Variants in THSD7B observed in about 807,000 individuals in gnomAD.
The protein encoded by THSD7B is thrombospondin type 1 domain containing 7B.
Under a neutral mutation model 213.6 loss-of-function variants are expected in THSD7B, and 138 were observed. The ratio of observed to expected loss-of-function variants is 0.65; its 90% CI spans 0.56 to 0.74. The LOEUF (loss-of-function observed/expected upper bound fraction) is 0.74. Ranked by LOEUF, THSD7B falls within the 30% of genes least tolerant of loss-of-function variation. The pLI, the probability that THSD7B is intolerant of heterozygous loss-of-function variation, is 0.00. For missense variants in THSD7B, 1,931 were observed against 1,991.5 expected, an observed-to-expected ratio of 0.97 and a Z score of 0.58; for synonymous variants, 742 against 687.0, an observed-to-expected ratio of 1.08 and a Z score of -1.25.
At chr2:137,615,917 T>A (rs1364777321) in intron 17 of THSD7B, among the ~76,000 whole-genome samples, 2 of 152,112 alleles carry the variant, frequency 1.3e-5, no homozygotes, top group Non-Finnish European at 2.9e-5. Flanking sequence ...ATAGAAATAG[T>A]CTCCGTGTGC....
chr2:136,952,210 C>G (rs1253454899), intron 2 of THSD7B, among the ~76,000 whole-genome samples: 2 of 151,724 alleles, frequency 1.3e-5, no homozygotes, highest in African/African-American at 4.8e-5. Context: ...GAAGCCAACC[C>G]CCACCCCCCC....
chr2:136,872,892 G>C (rs1386172127), intron 1 of THSD7B, among the ~76,000 whole-genome samples: 1 of 148,994 alleles, frequency 6.7e-6, no homozygotes, highest in Non-Finnish European at 1.5e-5. Context: ...TTATAAAGTA[G>C]GGGGAATTTT....
chr2:136,924,770 G>A (rs571557092), intron 2 of THSD7B, among the ~76,000 whole-genome samples: 55 of 152,232 alleles, frequency 3.6e-4, no homozygotes, highest in African/African-American at 1.2e-3. Context: ...TTGGGAAAGC[G>A]TGATCATTTT....
intron 17 of THSD7B, among the ~76,000 whole-genome samples, chr2:137,593,045 A>C (rs1209455292): frequency 6.6e-6 from 1 of 151,980 alleles, no homozygotes; most frequent in African/African-American, 2.4e-5. Flanking sequence ...AGCTAGTTTC[A>C]TTTGCTCAAC....
chr2:137,656,285 T>A (rs1381332636), intron 22 of THSD7B, among the ~76,000 whole-genome samples: 1 of 152,040 alleles, frequency 6.6e-6, no homozygotes. Flanking sequence ...ACAAAAAAAA[T>A]TATAATTTAT....
intron 2 of THSD7B, among the ~76,000 whole-genome samples, chr2:137,025,325 A>G (rs574851240): frequency 3.3e-5 from 5 of 152,092 alleles, no homozygotes; most frequent in Admixed American, 1.3e-4. Flanking sequence ...GTTTTTCTCA[A>G]CTGAAACATA....
At chr2:136,817,680 C>T (rs536592014) in intron 1 of THSD7B, among the ~76,000 whole-genome samples, 19 of 151,934 alleles carry the variant, frequency 1.3e-4, no homozygotes, top group South Asian at 4.2e-4. Context: ...TGTAGATATG[C>T]GGCTCAAACA....
At chr2:136,891,099 A>G (rs1558840787) in intron 2 of THSD7B, among the ~76,000 whole-genome samples, 1 of 150,866 alleles carries the variant, frequency 6.6e-6, no homozygotes, top group Non-Finnish European at 1.5e-5. Flanking sequence ...TACTTGTTCT[A>G]TGATTTTTTT....
intron 16 of THSD7B, among the ~76,000 whole-genome samples, chr2:137,563,741 G>A (rs924609264): frequency 1.3e-5 from 2 of 152,074 alleles, no homozygotes; most frequent in African/African-American, 4.8e-5. Context: ...AATTTTGGAT[G>A]TTGATAATTA....
chr2:137,570,045 T>A (rs1460001259), intron 16 of THSD7B, among the ~76,000 whole-genome samples: 1 of 151,720 alleles, frequency 6.6e-6, no homozygotes, highest in Non-Finnish European at 1.5e-5. Flanking sequence ...ATTTAAGCTA[T>A]CCCATGGATT....
At chr2:136,884,088 T>C (rs902051707) in intron 2 of THSD7B, among the ~76,000 whole-genome samples, 1 of 152,210 alleles carries the variant, frequency 6.6e-6, no homozygotes, top group African/African-American at 2.4e-5. Flanking sequence ...TCCTTGTACA[T>C]GTAAGTACAC....
At chr2:137,326,652 G>A (rs1175019999) in intron 12 of THSD7B, among the ~76,000 whole-genome samples, 4 of 152,124 alleles carry the variant, frequency 2.6e-5, no homozygotes, top group African/African-American at 9.7e-5. Context: ...AAAGCTATCA[G>A]TTATTCCAAA....
At chr2:137,419,842 G>A (rs193241526) in intron 14 of THSD7B, among the ~76,000 whole-genome samples, 1 of 152,006 alleles carries the variant, frequency 6.6e-6, no homozygotes, top group Non-Finnish European at 1.5e-5. Flanking sequence ...ATTATCATTT[G>A]CTTTATACAT....
At chr2:137,017,750 G>A (rs1686369359) in intron 2 of THSD7B, among the ~76,000 whole-genome samples, 1 of 152,108 alleles carries the variant, frequency 6.6e-6, no homozygotes, top group Non-Finnish European at 1.5e-5. Flanking sequence ...TCTGTAAGAT[G>A]CTTTGTGGCT....
chr2:137,381,638 G>T (rs1267931138), intron 12 of THSD7B, among the ~76,000 whole-genome samples: 1 of 152,140 alleles, frequency 6.6e-6, no homozygotes, highest in Non-Finnish European at 1.5e-5. Context: ...GAGAAAATGG[G>T]GCCTCAATGA....
chr2:137,489,686 A>C (rs568990965), intron 15 of THSD7B, among the ~76,000 whole-genome samples: 49 of 152,326 alleles, frequency 3.2e-4, no homozygotes, highest in African/African-American at 1.1e-3. Context: ...ATGATTAAAA[A>C]GAGAAAATCC....
intron 17 of THSD7B, among the ~76,000 whole-genome samples, chr2:137,577,952 T>A (rs1159395132): frequency 5.9e-5 from 9 of 152,330 alleles, no homozygotes; most frequent in African/African-American, 2.2e-4. Flanking sequence ...TTTTCACATC[T>A]AAAAGTGATG....
At chr2:136,948,140 G>T (rs946472384) in intron 2 of THSD7B, among the ~76,000 whole-genome samples, 1 of 151,868 alleles carries the variant, frequency 6.6e-6, no homozygotes, top group African/African-American at 2.4e-5. Context: ...ACTAAACCTA[G>T]CCTGGAGTGG....
chr2:137,167,535 C>G (rs981940368), intron 6 of THSD7B, among the ~76,000 whole-genome samples: 1 of 152,108 alleles, frequency 6.6e-6, no homozygotes, highest in African/African-American at 2.4e-5. Context: ...AAATACAGCC[C>G]TCAGATCTGG....
Sources: allele counts gnomAD v4.1 joint callset (sites outside exome capture counted in the v4.1 genomes callset), GRCh38; gene constraint gnomAD v4.1.1; transcripts MANE v1.5; gene names NCBI Gene and HGNC (gene_info 2026-07-23, HGNC 2026-07-21).